GALNT13: variants seen among roughly 807,000 people sequenced by gnomAD.
GALNT13 encodes the protein UDP-GalNAc:polypeptide N-acetylgalactosaminyltransferase 13.
Under a neutral mutation model 64.2 loss-of-function variants are expected in GALNT13, and 28 were observed. The observed-to-expected ratio is 0.44, with a 90% CI of 0.32 to 0.60. GALNT13 has a LOEUF of 0.60. GALNT13 is among the 20% of genes least tolerant of loss of function. GALNT13 has a pLI of 0.05. For missense variants in GALNT13, 577 were observed against 669.8 expected (o/e 0.86, Z 1.53); for synonymous variants, 214 against 224.6 (o/e 0.95, Z 0.42).
At chr2:153,443,206 C>T in the GALNT13 span, among the ~76,000 whole-genome samples, 2 of 152,286 alleles carry the variant, frequency 1.3e-5, no homozygotes, top group East Asian at 1.9e-4. Flanking sequence ...TCCTGTTTTG[C>T]GGATTGCAAA....
At chr2:153,907,295 C>A (rs1316661624) in intron 2 of GALNT13, among the ~76,000 whole-genome samples, 3 of 151,318 alleles carry the variant, frequency 2.0e-5, no homozygotes, top group Non-Finnish European at 4.4e-5. Flanking sequence ...AAGTTTAATG[C>A]AGTTTAATAT....
At chr2:154,278,606 A>G (rs1691785935) in intron 8 of GALNT13, among the ~76,000 whole-genome samples, 1 of 152,182 alleles carries the variant, frequency 6.6e-6, no homozygotes, top group Non-Finnish European at 1.5e-5. Context: ...TTGCTAAGTC[A>G]AAACTGTCAG....
chr2:154,032,211 A>G (rs1698383668), intron 3 of GALNT13, among the ~76,000 whole-genome samples: 1 of 152,050 alleles, frequency 6.6e-6, no homozygotes, highest in Non-Finnish European at 1.5e-5. Context: ...TTAAAATATA[A>G]TAAACCTATT....
intron 3 of GALNT13, among the ~76,000 whole-genome samples, chr2:154,069,926 G>T (rs367570949): frequency 1.3e-5 from 2 of 152,098 alleles, no homozygotes; most frequent in South Asian, 2.1e-4. Flanking sequence ...ATAAAGAGTT[G>T]ATGAAACAGT....
At chr2:153,810,294 A>G in the GALNT13 span, among the ~76,000 whole-genome samples, 1 of 152,084 alleles carries the variant, frequency 6.6e-6, no homozygotes, top group Admixed American at 6.5e-5. Context: ...TTGACTTGAA[A>G]ATCCCCTACA....
At chr2:153,651,419 A>T in the GALNT13 span, among the ~76,000 whole-genome samples, 6 of 152,192 alleles carry the variant, frequency 3.9e-5, no homozygotes, top group East Asian at 1.2e-3. Context: ...TTGAATGAAC[A>T]AAAATAGCTC....
At chr2:154,346,467 T>C (rs560638602) in intron 9 of GALNT13, among the ~76,000 whole-genome samples, 1 of 152,072 alleles carries the variant, frequency 6.6e-6, no homozygotes, top group Non-Finnish European at 1.5e-5. Context: ...TGGGAGATAA[T>C]TGAATCGTGG....
At chr2:154,095,584 C>A (rs1033706370) in intron 3 of GALNT13, among the ~76,000 whole-genome samples, 1 of 151,892 alleles carries the variant, frequency 6.6e-6, no homozygotes, top group Admixed American at 6.6e-5. Flanking sequence ...ATGCTTAATG[C>A]CTATGGTTTC....
the GALNT13 span, among the ~76,000 whole-genome samples, chr2:153,332,785 A>G: frequency 1.3e-5 from 2 of 152,148 alleles, no homozygotes; most frequent in Non-Finnish European, 2.9e-5. Context: ...GCTGAACCCA[A>G]TGCATGGGTG....
the GALNT13 span, among the ~76,000 whole-genome samples, chr2:153,470,366 A>G: frequency 7.9e-5 from 12 of 152,082 alleles, no homozygotes; most frequent in Non-Finnish European, 1.5e-5. Flanking sequence ...GTCACTGGTC[A>G]TTGACTGAGT....
At chr2:153,940,514 C>T (rs771999538) in intron 2 of GALNT13, among the ~76,000 whole-genome samples, 6 of 152,068 alleles carry the variant, frequency 3.9e-5, no homozygotes, top group Admixed American at 1.3e-4. Context: ...GCCTCAGCCT[C>T]CCAAATTGCT....
the GALNT13 span, among the ~76,000 whole-genome samples, chr2:153,376,603 A>G: frequency 6.6e-6 from 1 of 152,084 alleles, no homozygotes; most frequent in Non-Finnish European, 1.5e-5. Context: ...AAATTTGGTG[A>G]CTGACTGCCA....
At chr2:153,108,916 G>A in the GALNT13 span, among the ~76,000 whole-genome samples, 10 of 152,164 alleles carry the variant, frequency 6.6e-5, no homozygotes, top group African/African-American at 2.4e-4. Context: ...ATATGTGGGA[G>A]TTGCAATTTG....
chr2:153,650,078 A>G, the GALNT13 span, among the ~76,000 whole-genome samples: 6 of 152,078 alleles, frequency 3.9e-5, no homozygotes, highest in African/African-American at 1.4e-4. Flanking sequence ...AAAGTTTCCC[A>G]TTATTATTGT....
At chr2:153,663,727 C>A in the GALNT13 span, among the ~76,000 whole-genome samples, 3 of 152,180 alleles carry the variant, frequency 2.0e-5, no homozygotes, top group Admixed American at 2.0e-4. Flanking sequence ...CTACATAGTG[C>A]CTTGCTAATT....
the GALNT13 span, among the ~76,000 whole-genome samples, chr2:153,074,986 G>GCCTC: frequency 6.6e-6 from 1 of 152,070 alleles, no homozygotes; most frequent in African/African-American, 2.4e-5. Context: ...TTCCACCTTG[G>GCCTC]CCTCCCAAAG....
At chr2:154,291,483 C>T (rs913440512) in intron 8 of GALNT13, among the ~76,000 whole-genome samples, 1 of 152,244 alleles carries the variant, frequency 6.6e-6, no homozygotes, top group Non-Finnish European at 1.5e-5. Flanking sequence ...GGCTTCACCT[C>T]TCAATGGCAC....
At chr2:153,953,034 G>T (rs1392007157) in intron 3 of GALNT13, among the ~76,000 whole-genome samples, 2 of 152,070 alleles carry the variant, frequency 1.3e-5, no homozygotes, top group African/African-American at 4.8e-5. Flanking sequence ...TTGAGGGTGG[G>T]TCTGCGTCTC....
At chr2:153,232,855 T>A in the GALNT13 span, among the ~76,000 whole-genome samples, 1 of 152,202 alleles carries the variant, frequency 6.6e-6, no homozygotes, top group African/African-American at 2.4e-5. Context: ...CTCACCAGCT[T>A]AGTGCTGTAG....
Sources: gnomAD v4.1 joint callset for allele counts (sites outside exome capture counted in the v4.1 genomes callset) on GRCh38, gnomAD v4.1.1 for gene constraint, MANE v1.5 for transcripts, NCBI Gene and HGNC (gene_info 2026-07-23, HGNC 2026-07-21) for gene names.